The following PLEKHH2 variants were observed in gnomAD, a reference collection of about 807,000 sequenced individuals.
PLEKHH2 encodes pleckstrin homology, MyTH4 and FERM domain containing H2.
A neutral mutation model predicts 187.9 loss-of-function variants in PLEKHH2; 129 were observed. The ratio of observed to expected loss-of-function variants is 0.69; its 90% CI spans 0.59 to 0.79. PLEKHH2 has a LOEUF of 0.79. Ranked by LOEUF, PLEKHH2 falls within the 30% of genes least tolerant of loss-of-function variation. The pLI is 0.00. For synonymous variants in PLEKHH2, 686 were observed against 605.6 expected (o/e 1.13, Z -1.95); for missense variants, 2,076 against 1,751.2 (o/e 1.19, Z -3.31).
chr2:43,711,774 G>A (rs1000869727), intron 14 of PLEKHH2: 67 of 398,386 alleles, frequency 1.7e-4, no homozygotes, highest in Admixed American at 2.5e-4. Context: ...GTGCCTGTAA[G>A]TCCCAGCTGC....
chr2:43,702,154 G>T (rs1246638305), intron 8 of PLEKHH2, among the ~76,000 whole-genome samples: 1 of 152,208 alleles, frequency 6.6e-6, no homozygotes, highest in Non-Finnish European at 1.5e-5. Context: ...CATCTGGGTT[G>T]CAGGACTCTT....
In PLEKHH2 at chr2:43,760,359, C is replaced by CTTT. The variant is rs763777313; in HGVS notation, c.4071+1349_4071+1351dup. ...CACATAATGAAATTTACCCTTTAAC[C>CTTT]TTTTTTTTTTTTTTTTTTTTTGAGA... On this transcript the variant is annotated intron_variant, in intron 27 of 29. Coordinates refer to ENST00000282406, the MANE Select transcript of PLEKHH2 (RefSeq NM_172069.4). 2.1e-3 allele frequency among the ~76,000 whole-genome samples: 245 copies of CTTT among 119,038 alleles called. 8 individuals carry two copies. The highest frequency in any genetic ancestry group is 3.9e-3 in the African/African-American group (112 of 28,848). The allele number at this position is 119,038 out of a possible 152,430, so 78.1% of individuals were successfully genotyped here.
rs1038748286 is a variant in PLEKHH2 at position 43,745,737 on chromosome 2, A to G, written c.3556-129A>G. ...TAAACTCAGAGCCGCACAGAGGCTG[A>G]AAACAAAAAGCTTGAGTATATTTGG... On this transcript the variant is annotated intron_variant, in intron 23 of 29. Coordinates refer to ENST00000282406, the MANE Select transcript of PLEKHH2 (RefSeq NM_172069.4). The G allele has an allele frequency of 6.3e-5, 39 of 622,906 alleles. No individual in the cohort carries two copies. The African/African-American group carries it at 6.8e-4, about 11-fold the overall frequency. The allele number at this position is 622,906 out of a possible 1,614,324, so 38.6% of individuals were successfully genotyped here.
chr2:43,696,823 G>A (rs1378542579), intron 6 of PLEKHH2, among the ~76,000 whole-genome samples: 1 of 152,014 alleles, frequency 6.6e-6, no homozygotes, highest in African/African-American at 2.4e-5. Context: ...ACGCTGAACT[G>A]GTATTTGTCA....
chr2:43,722,217 C>T (rs990063929), intron 16 of PLEKHH2, among the ~76,000 whole-genome samples: 1 of 148,994 alleles, frequency 6.7e-6, no homozygotes, highest in Non-Finnish European at 1.5e-5. Context: ...GATCATACCA[C>T]TGCATTCCAG....
intron 25 of PLEKHH2, among the ~76,000 whole-genome samples, chr2:43,754,997 C>G (rs1168237619): frequency 1.3e-5 from 2 of 151,572 alleles, no homozygotes; most frequent in Non-Finnish European, 2.9e-5. Flanking sequence ...CTCAGCCTCC[C>G]TAGTAGCTGG....
chr2:43,652,092 C>T (rs1373839987), intron 2 of PLEKHH2, among the ~76,000 whole-genome samples: 5 of 152,116 alleles, frequency 3.3e-5, no homozygotes, highest in Non-Finnish European at 5.9e-5. Flanking sequence ...ATCTGCTGGG[C>T]GGTGAGGTCA....
Position 43,764,226 on chromosome 2 carries a change from A to G in PLEKHH2, c.4159-2A>G. The G allele has an allele frequency of 7.0e-7, 1 of 1,430,464 alleles. No individual in the cohort carries two copies. Among genetic ancestry groups the G allele is most frequent in the Non-Finnish European group, 9.3e-7 (1 of 1,079,976 alleles). The allele number at this position is 1,430,464 out of a possible 1,614,324, so 88.6% of individuals were successfully genotyped here. A position where few individuals can be genotyped will look rare whatever the true frequency, so the allele number is the denominator to read the frequency against. ...CATATATACTTTTTCTTATCTTTAA[A>G]GAGGTTAATAGTCAGCTATGTGTAC... is the stretch of plus-strand genomic sequence containing the variant. On this transcript the variant is annotated splice_acceptor_variant, in intron 28 of 29. Transcript: ENST00000282406. LOFTEE classifies it high-confidence loss of function.
At chr2:43,739,561 A>G (rs1275680556) in intron 20 of PLEKHH2, among the ~76,000 whole-genome samples, 2 of 152,220 alleles carry the variant, frequency 1.3e-5, no homozygotes, top group African/African-American at 4.8e-5. Context: ...TTGAAAATGG[A>G]TTACTTTTGC....
chr2:43,746,460 G>A (rs1232563193), intron 24 of PLEKHH2, among the ~76,000 whole-genome samples: 2 of 152,092 alleles, frequency 1.3e-5, no homozygotes, highest in Non-Finnish European at 1.5e-5. Flanking sequence ...GCAGTGAGCC[G>A]TGATTGTGCC....
intron 3 of PLEKHH2, among the ~76,000 whole-genome samples, chr2:43,687,358 G>T (rs1445062194): frequency 6.6e-6 from 1 of 152,142 alleles, no homozygotes; most frequent in Non-Finnish European, 1.5e-5. Flanking sequence ...GTGTTCCCTG[G>T]TGTGTATGTA....
At chr2:43,725,425 TC>T (rs1433366286) in intron 16 of PLEKHH2, among the ~76,000 whole-genome samples, 2 of 152,124 alleles carry the variant, frequency 1.3e-5, no homozygotes, top group African/African-American at 4.8e-5. Context: ...CAGGAGACCT[TC>T]CCCCCTCCTT....
rs1352270810 is a variant in PLEKHH2 at position 43,765,457 on chromosome 2, C to G, written c.4341C>G (p.Phe1447Leu). ...TGATCGCCAGTTACATAAACAACTT[C>G]CATCAGCAAAAGGCAGCATTTCACC... ...TLLIASYINN[F>L]HQQKAAFHHL... Residue 1447 changes from phenylalanine to leucine, a missense_variant, in exon 30 of 30, where the codon TTC becomes TTG. By Grantham distance (22) the Phe-to-Leu change is conservative. Transcript: ENST00000282406. The G allele has an allele frequency of 6.2e-7, 1 of 1,614,142 alleles. No individual in the cohort carries two copies. Among genetic ancestry groups the G allele is most frequent in the Admixed American group, 1.7e-5 (1 of 60,020 alleles).
At chr2:43,720,483 AT>A (rs1670429522) in intron 15 of PLEKHH2, among the ~76,000 whole-genome samples, 185 bp from the exon 16 acceptor site, 1 of 152,006 alleles carries the variant, frequency 6.6e-6, no homozygotes, top group Non-Finnish European at 1.5e-5. Flanking sequence ...TTGTTTCCCT[AT>A]TTATGTCCAT....
intron 14 of PLEKHH2, chr2:43,711,893 C>G (rs76519695): frequency 1.3e-6 from 1 of 763,176 alleles, no homozygotes; most frequent in African/African-American, 2.2e-5. Flanking sequence ...GACTCTGTCT[C>G]AAAAAAAAAA....
At chr2:43,670,302 A>G (rs1444956494) in intron 2 of PLEKHH2, among the ~76,000 whole-genome samples, 1 of 152,222 alleles carries the variant, frequency 6.6e-6, no homozygotes, top group Non-Finnish European at 1.5e-5. Context: ...GCTTTCAAGT[A>G]TAAAGGGCAT....
chr2:43,666,081 C>G (rs1464129337), intron 2 of PLEKHH2, among the ~76,000 whole-genome samples: 59 of 149,714 alleles, frequency 3.9e-4, no homozygotes, highest in Middle Eastern at 3.4e-3. Context: ...GCCTTGCTGC[C>G]GCCTTGCAGT....
chr2:43,724,444 G>A (rs1670639284), intron 16 of PLEKHH2, among the ~76,000 whole-genome samples: 1 of 152,134 alleles, frequency 6.6e-6, no homozygotes, highest in South Asian at 2.1e-4. Flanking sequence ...TATTTTCCTG[G>A]AATAAAGGTA....
chr2:43,743,838 T>A lies in PLEKHH2; in HGVS notation c.3404T>A (p.Val1135Asp). 1 of 1,611,990 alleles carries A rather than the reference T, an allele frequency of 6.2e-7. No homozygotes were observed. The highest frequency in any genetic ancestry group is 8.5e-7 in the Non-Finnish European group (1 of 1,178,374). Residue 1135 changes from valine (V) to aspartate (D), a missense_variant, in exon 23 of 30, where the codon GTT (valine) becomes GAT (aspartate). By Grantham distance (152) the Val-to-Asp change is radical (BLOSUM62 -3). Coordinates refer to ENST00000282406, the MANE Select transcript of PLEKHH2 (RefSeq NM_172069.4). Reference protein sequence around the residue: ...VHFMNGIYQVVGFDASTTVEE... With the variant: ...VHFMNGIYQVDGFDASTTVEE... ...TGCTTTGTTATTTCTGTCTAGGTAG[T>A]TGGTTTTGACGCATCTACCACAGTG...
Sources: gnomAD v4.1 joint callset for allele counts (sites outside exome capture counted in the v4.1 genomes callset) on GRCh38, gnomAD v4.1.1 for gene constraint, MANE v1.5 for transcripts, NCBI Gene and HGNC (gene_info 2026-07-23, HGNC 2026-07-21) for gene names.